Variants in WDR7 observed in about 807,000 individuals in gnomAD.
WDR7 encodes WD repeat-containing protein 7.
In WDR7, 46 loss-of-function variants were observed where a neutral mutation model predicts 169.4. The observed-to-expected ratio is 0.27, with a 90% confidence interval of 0.21 to 0.35. WDR7 has a LOEUF of 0.35. Ranked by LOEUF, WDR7 falls within the 10% of genes least tolerant of loss-of-function variation. The pLI, the probability that WDR7 is intolerant of heterozygous loss-of-function variation, is 1.00. For missense variants in WDR7, 1,534 were observed against 1,859.3 expected (o/e 0.83, Z 3.22); for synonymous variants, 612 against 666.8 (o/e 0.92, Z 1.27).
chr18:56,711,945 TTTACAGCATG>T (rs2026095495), intron 12 of WDR7, among the ~76,000 whole-genome samples: 1 of 152,142 alleles, frequency 6.6e-6, no homozygotes, highest in Non-Finnish European at 1.5e-5. Flanking sequence ...AAACTGGTCA[TTTACAGCATG>T]TCTAATGATG....
At chr18:56,883,042 C>T (rs962746727) in intron 21 of WDR7, among the ~76,000 whole-genome samples, 2 of 151,972 alleles carry the variant, frequency 1.3e-5, no homozygotes, top group Non-Finnish European at 2.9e-5. Flanking sequence ...AACCCCATCT[C>T]TACTAAAAAT....
chr18:56,734,826 A>G (rs2026664821), intron 14 of WDR7, among the ~76,000 whole-genome samples: 1 of 152,056 alleles, frequency 6.6e-6, no homozygotes, highest in Non-Finnish European at 1.5e-5. Flanking sequence ...TCAGTTTTTC[A>G]TCTTTTTATT....
intron 16 of WDR7, among the ~76,000 whole-genome samples, chr18:56,771,609 C>T (rs1006163546): frequency 1.2e-4 from 17 of 143,662 alleles, no homozygotes; most frequent in African/African-American, 4.2e-4. Context: ...TGGCCGGGCA[C>T]GGTGGTTCAT....
chr18:56,793,978 G>A (rs552217475), intron 19 of WDR7, among the ~76,000 whole-genome samples: 6 of 152,096 alleles, frequency 3.9e-5, no homozygotes, highest in Non-Finnish European at 8.8e-5. Context: ...ATTTCTCTTC[G>A]AGTTGCTGCA....
At chr18:57,014,265 G>T (rs1004964104) in intron 26 of WDR7, among the ~76,000 whole-genome samples, 3 of 150,638 alleles carry the variant, frequency 2.0e-5, no homozygotes, top group African/African-American at 4.9e-5. Context: ...GGCAGAGATT[G>T]CAGTGAGCCG....
chr18:56,799,368 T>C (rs947348603), intron 19 of WDR7, among the ~76,000 whole-genome samples: 27 of 152,196 alleles, frequency 1.8e-4, no homozygotes, highest in Non-Finnish European at 3.2e-4. Context: ...GATGACAATA[T>C]CTTAAGTATT....
chr18:56,794,253 A>G (rs946079613), intron 19 of WDR7, among the ~76,000 whole-genome samples: 1 of 148,314 alleles, frequency 6.7e-6, no homozygotes, highest in African/African-American at 2.5e-5. Flanking sequence ...GCAGTTCTCA[A>G]ATGCAATATT....
intron 14 of WDR7, among the ~76,000 whole-genome samples, chr18:56,742,377 A>G (rs1233864476): frequency 1.3e-5 from 2 of 152,232 alleles, no homozygotes; most frequent in Non-Finnish European, 2.9e-5. Context: ...TTATAAAAAT[A>G]TACATATTTA....
chr18:56,759,533 T>A (rs1042591635), intron 16 of WDR7, among the ~76,000 whole-genome samples: 1 of 152,114 alleles, frequency 6.6e-6, no homozygotes, highest in African/African-American at 2.4e-5. Flanking sequence ...AATTAATTAA[T>A]ATACTTAGAT....
Position 57,011,108 on chromosome 18 carries a change from C to G in WDR7, c.4165-9637C>G, listed in dbSNP as rs143180396. Among the ~76,000 whole-genome samples the G allele has an allele frequency of 3.8e-3, 576 of 152,260 alleles. 5 individuals are homozygous for G. Among genetic ancestry groups the G allele is most frequent in the East Asian group, 0.024 (127 of 5,192 alleles). On this transcript the variant is annotated intron_variant, in intron 26 of 27. Coordinates refer to ENST00000254442, the MANE Select transcript of WDR7 (RefSeq NM_015285.3). ...TAGGAATGTCAAAATTACAATAATA[C>G]AATAGTTTTGAGCATGTATTTTGAT...
chr18:56,663,910 G>C (rs771725749), intron 1 of WDR7, among the ~76,000 whole-genome samples: 3 of 151,924 alleles, frequency 2.0e-5, no homozygotes, highest in Non-Finnish European at 4.4e-5. Flanking sequence ...TAAGTCTTTG[G>C]AATTTTTCTT....
chr18:56,699,966 AAT>A (rs1568145078), intron 12 of WDR7: 1 of 803,648 alleles, frequency 1.2e-6, no homozygotes, highest in Non-Finnish European at 1.5e-6. Flanking sequence ...AGCTGTTTTT[AAT>A]ATCTTTTTAT....
At chr18:57,000,607 A>G (rs1450700897) in intron 26 of WDR7, among the ~76,000 whole-genome samples, 2 of 152,162 alleles carry the variant, frequency 1.3e-5, no homozygotes, top group African/African-American at 4.8e-5. Context: ...TTAACTGATT[A>G]CTCTCTACTC....
chr18:56,879,817 T>C, intron 20 of WDR7, 127 bp from the exon 21 acceptor site: 1 of 625,134 alleles, frequency 1.6e-6, no homozygotes, highest in Admixed American at 3.0e-5. Flanking sequence ...TGAGTAACCA[T>C]TTGTCCTAGT....
intron 19 of WDR7, among the ~76,000 whole-genome samples, chr18:56,812,150 T>A (rs1483834685): frequency 6.6e-6 from 1 of 152,182 alleles, no homozygotes; most frequent in African/African-American, 2.4e-5. Flanking sequence ...CTTTCATCAG[T>A]GTTTTGTAGT....
intron 20 of WDR7, among the ~76,000 whole-genome samples, chr18:56,870,003 G>C (rs1328056500): frequency 6.6e-6 from 1 of 152,074 alleles, no homozygotes; most frequent in Non-Finnish European, 1.5e-5. Flanking sequence ...TCACCACCAG[G>C]ACAGCGAGAT....
At chr18:56,992,502 G>T (rs2047832262) in intron 26 of WDR7, among the ~76,000 whole-genome samples, 1 of 152,126 alleles carries the variant, frequency 6.6e-6, no homozygotes, top group Admixed American at 6.6e-5. Context: ...TAATATTAAA[G>T]CTTGAATTTT....
intron 14 of WDR7, among the ~76,000 whole-genome samples, chr18:56,738,298 GGTGGCTC>G (rs2026744629): frequency 6.6e-6 from 1 of 152,158 alleles, no homozygotes; most frequent in Non-Finnish European, 1.5e-5. Context: ...GGCCAGGCAC[GGTGGCTC>G]ATGCCTGTAA....
chr18:56,918,090 A>T (rs2046653574), intron 21 of WDR7, among the ~76,000 whole-genome samples: 1 of 152,104 alleles, frequency 6.6e-6, no homozygotes, highest in Non-Finnish European at 1.5e-5. Flanking sequence ...GTCTGTCTGC[A>T]TTTCGGTAGT....
Sources: gnomAD v4.1 joint callset for allele counts (sites outside exome capture counted in the v4.1 genomes callset) on GRCh38, gnomAD v4.1.1 for gene constraint, MANE v1.5 for transcripts, NCBI Gene and HGNC (gene_info 2026-07-23, HGNC 2026-07-21) for gene names.